The following MATN3 variants were observed in gnomAD, a reference collection of about 807,000 sequenced individuals.
MATN3 encodes the protein matrilin 3.
Under a neutral mutation model 45.3 loss-of-function variants are expected in MATN3, and 48 were observed. That is an observed-to-expected ratio of 1.06 (90% confidence interval 0.84 to 1.35). MATN3 has a LOEUF of 1.35. Ranked by LOEUF, MATN3 falls within the 40% of genes most tolerant of loss-of-function variation. The pLI is 0.00. For synonymous variants in MATN3, 217 were observed against 245.9 expected, an observed-to-expected ratio of 0.88 and a Z score of 1.10; for missense variants, 599 against 628.0, an observed-to-expected ratio of 0.95 and a Z score of 0.49.
intron 2 of MATN3, 94 bp from the exon 3 acceptor site, chr2:20,003,380 T>C: frequency 1.6e-6 from 2 of 1,246,490 alleles, no homozygotes; most frequent in East Asian, 2.5e-5. Context: ...TCTGGGCTCC[T>C]TTCCGAGTCC....
intron 2 of MATN3, among the ~76,000 whole-genome samples, chr2:20,004,990 T>C (rs1673067071): frequency 1.3e-5 from 2 of 152,198 alleles, no homozygotes; most frequent in African/African-American, 4.8e-5. Flanking sequence ...ATTGAATGGA[T>C]CTGTAGTCCT....
chr2:20,000,324 G>A (rs1672960154), intron 5 of MATN3, 117 bp downstream of exon 5: 6 of 872,724 alleles, frequency 6.9e-6, no homozygotes, highest in Non-Finnish European at 1.0e-5. Flanking sequence ...CTAAAAGTGT[G>A]ATAGAATGTC....
In MATN3 at chr2:19,995,378, G is replaced by A. The variant is rs537806756; in HGVS notation, c.1295-969C>T. On this transcript the variant is annotated intron_variant, in intron 6 of 7. Transcript: ENST00000407540. This position sits in a 1 kb window ranked among gnomAD's most constrained non-coding sequence, Gnocchi z 4.2. ...TGAGGCAGGAGGATTGCTTGAACCC[G>A]GGAGGCAGAGGTTGCAGTGAGCTGA... Among the ~76,000 whole-genome samples, 5 of 150,338 alleles carry A rather than the reference G, an allele frequency of 3.3e-5. No individual in the cohort carries two copies. The highest frequency in any genetic ancestry group is 3.8e-3 in the Middle Eastern group (1 of 266).
At chr2:20,008,042 A>C (rs1423263731) in intron 1 of MATN3, among the ~76,000 whole-genome samples, 3 of 152,122 alleles carry the variant, frequency 2.0e-5, no homozygotes, top group African/African-American at 7.2e-5. Flanking sequence ...GGCTCACTGC[A>C]ACCACCACCT....
At chr2:20,000,886 C>T (rs1194369222) in intron 4 of MATN3, among the ~76,000 whole-genome samples, 1 of 152,180 alleles carries the variant, frequency 6.6e-6, no homozygotes, top group African/African-American at 2.4e-5. Flanking sequence ...GGGATACCAA[C>T]AGTTGTGTGG....
chr2:20,002,512 G>C (rs1401460478), intron 3 of MATN3, among the ~76,000 whole-genome samples: 2 of 152,192 alleles, frequency 1.3e-5, no homozygotes, highest in Non-Finnish European at 2.9e-5. Flanking sequence ...GAGAGGAAGA[G>C]GGTAGCTTGC....
At chr2:20,002,987 C>T (rs1333075270) in intron 3 of MATN3, among the ~76,000 whole-genome samples, 174 bp downstream of exon 3, 1 of 152,170 alleles carries the variant, frequency 6.6e-6, no homozygotes, top group Non-Finnish European at 1.5e-5. Flanking sequence ...TCTATCATTT[C>T]ACTTTTCTCC....
Position 20,012,115 on chromosome 2 carries a change from A to AGCAGCAGCCGCTGG in MATN3, c.223+280_223+293dup, listed in dbSNP as rs1475517288. ...AGAGGTCAGGACTGGGACGGAGCTT[A>AGCAGCAGCCGCTGG]GCAGCAGCCGCTGGGCAGCAGCCCC... On this transcript the variant is annotated intron_variant, in intron 1 of 7. Coordinates refer to ENST00000407540, the MANE Select transcript of MATN3 (RefSeq NM_002381.5). This position sits in a 1 kb window ranked among gnomAD's most constrained non-coding sequence, Gnocchi z 4.3. Among the ~76,000 whole-genome samples the AGCAGCAGCCGCTGG allele has an allele frequency of 2.0e-5, 3 of 152,298 alleles. No individual in the cohort carries two copies. The highest frequency in any genetic ancestry group is 1.9e-4 in the East Asian group (1 of 5,178).
At position 20,004,247 on chromosome 2, in the gene MATN3, T is replaced by C. The variant is rs191301230; in HGVS notation, c.791-961A>G. On this transcript the variant is annotated intron_variant, in intron 2 of 7. Coordinates refer to ENST00000407540, the MANE Select transcript of MATN3 (RefSeq NM_002381.5). ...TCTTTTTTCCATAGAGAGGACGTTTTTCCCCCAGAACAAGCAGGTCTTTTG... is the reference window on the plus strand; with the variant it reads ...TCTTTTTTCCATAGAGAGGACGTTTCTCCCCCAGAACAAGCAGGTCTTTTG... The C allele has an allele frequency of 2.6e-5, 4 of 152,356 alleles. No individual in the cohort carries two copies. In the East Asian group the frequency reaches 5.8e-4, roughly 22 times the overall value. The allele number at this position is 152,356 out of a possible 1,614,324, so 9.4% of individuals were successfully genotyped here. A position where few individuals can be genotyped will look rare whatever the true frequency, so the allele number is the denominator to read the frequency against.
Position 19,992,214 on chromosome 2 carries a change from A to C in MATN3, c.*897T>G, listed in dbSNP as rs567580384. 93 of 152,274 alleles carry C rather than the reference A, an allele frequency of 6.1e-4. No homozygotes were observed. Among genetic ancestry groups the C allele is most frequent in the African/African-American group, 2.2e-3 (90 of 41,582 alleles). 9.4% of individuals were successfully genotyped at this position (152,274 alleles called of 1,614,324 possible). On this transcript the variant is annotated 3_prime_UTR_variant, in exon 8 of 8. Coordinates refer to ENST00000407540, the MANE Select transcript of MATN3 (RefSeq NM_002381.5). ...GGACTGTTTTGTTCTCAAAGTTGCA[A>C]GTTTCAAAGCCAAAAGAATTATATG...
chr2:19,998,417 A>G (rs1219843289), intron 5 of MATN3, among the ~76,000 whole-genome samples: 2 of 152,202 alleles, frequency 1.3e-5, no homozygotes, highest in Non-Finnish European at 1.5e-5. Flanking sequence ...GATCTGATCC[A>G]TGGTATGTTC....
At chr2:20,008,962 C>T (rs997263381) in intron 1 of MATN3, among the ~76,000 whole-genome samples, 9 of 152,116 alleles carry the variant, frequency 5.9e-5, no homozygotes, top group African/African-American at 1.4e-4. Flanking sequence ...CAGTGGCTCA[C>T]GCCTGTAATC....
At chr2:20,011,429 G>A (rs1382383301) in intron 1 of MATN3, among the ~76,000 whole-genome samples, 1 of 152,152 alleles carries the variant, frequency 6.6e-6, no homozygotes, top group Non-Finnish European at 1.5e-5. Context: ...TCAAATACGG[G>A]GACTGAGTAT....
rs935923894 is a variant in MATN3, at chr2:19,995,377, C to T, written c.1295-968G>A. 1.3e-5 allele frequency among the ~76,000 whole-genome samples: 2 copies of T among 151,938 alleles called. No individual in the cohort carries two copies. The highest frequency in any genetic ancestry group is 2.9e-5 in the Non-Finnish European group (2 of 67,972). On this transcript the variant is annotated intron_variant, in intron 6 of 7. Coordinates refer to ENST00000407540, the MANE Select transcript of MATN3 (RefSeq NM_002381.5). This position sits in a 1 kb window ranked among gnomAD's most constrained non-coding sequence, Gnocchi z 4.2. ...CTGAGGCAGGAGGATTGCTTGAACC[C>T]GGGAGGCAGAGGTTGCAGTGAGCTG... is the stretch of plus-strand genomic sequence containing the variant.
chr2:20,003,298 A>G lies in MATN3; in HGVS notation c.791-12T>C. 1 of 1,602,864 alleles carries G rather than the reference A, an allele frequency of 6.2e-7. No homozygotes were observed. Among genetic ancestry groups the G allele is most frequent in the Non-Finnish European group, 8.5e-7 (1 of 1,172,036 alleles). On this transcript the variant is annotated splice_polypyrimidine_tract_variant and intron_variant, in intron 2 of 7. Coordinates refer to ENST00000407540, the MANE Select transcript of MATN3 (RefSeq NM_002381.5). ...ACAGGGGTCCAGCGCTGTGAGAGGA[A>G]GTTTACAACAGTCAGCACTGACACT...
rs1345530543 is a variant in MATN3 at position 19,995,772 on chromosome 2, C to G, written c.1294+1362G>C. Among the ~76,000 whole-genome samples, 1 of 152,128 alleles carries G rather than the reference C, an allele frequency of 6.6e-6. No homozygotes were observed. Among genetic ancestry groups the G allele is most frequent in the African/African-American group, 2.4e-5 (1 of 41,420 alleles). ...TCTTCCAATGGAGTAATTCTATTGC[C>G]TGAGGACAGGAAATGGTCCTTTGCT... On this transcript the variant is annotated intron_variant, in intron 6 of 7. Coordinates refer to ENST00000407540, the MANE Select transcript of MATN3 (RefSeq NM_002381.5). This position sits in a 1 kb window ranked among gnomAD's most constrained non-coding sequence, Gnocchi z 4.2.
chr2:19,998,886 T>C (rs548787780), intron 5 of MATN3, among the ~76,000 whole-genome samples: 1 of 152,222 alleles, frequency 6.6e-6, no homozygotes, highest in Non-Finnish European at 1.5e-5. Context: ...TAAGAGCCTA[T>C]GTAACCACTA....
At chr2:19,999,509 T>A (rs1449798632) in intron 5 of MATN3, among the ~76,000 whole-genome samples, 3 of 151,918 alleles carry the variant, frequency 2.0e-5, no homozygotes, top group African/African-American at 7.3e-5. Context: ...CGGCTCTCTG[T>A]TCACCCAGAT....
chr2:20,009,232 C>CAA (rs558125406), intron 1 of MATN3, among the ~76,000 whole-genome samples: 1 of 54,994 alleles, frequency 1.8e-5, no homozygotes, highest in Admixed American at 1.9e-4. Context: ...CTCTAAAAGC[C>CAA]AAAAAAAAAA....
Sources: allele counts gnomAD v4.1 joint callset (sites outside exome capture counted in the v4.1 genomes callset), GRCh38; gene constraint gnomAD v4.1.1; non-coding constraint Gnocchi (gnomAD v3.1); transcripts MANE v1.5; gene names NCBI Gene and HGNC (gene_info 2026-07-23, HGNC 2026-07-21).